The following CTNNBIP1 variants were observed in gnomAD, a reference collection of about 807,000 sequenced individuals.
CTNNBIP1 encodes catenin beta interacting protein 1.
A neutral mutation model predicts 11.8 loss-of-function variants in CTNNBIP1; 7 were observed. The observed-to-expected ratio is 0.60, with a 90% CI of 0.34 to 1.12. The LOEUF is 1.12. CTNNBIP1 is among the 50% of genes most tolerant of loss of function. CTNNBIP1 has a pLI of 0.03. For missense variants in CTNNBIP1, 101 were observed against 113.4 expected, an observed-to-expected ratio of 0.89 and a Z score of 0.50; for synonymous variants, 58 against 43.9, an observed-to-expected ratio of 1.32 and a Z score of -1.26.
chr1:9,887,263 T>C (rs575675111), intron 1 of CTNNBIP1, among the ~76,000 whole-genome samples: 29 of 152,324 alleles, frequency 1.9e-4, no homozygotes, highest in Non-Finnish European at 2.6e-4. Context: ...TCCCATTTTA[T>C]GGATGACAAA....
At chr1:9,876,434 T>C (rs184169788) in intron 3 of CTNNBIP1, among the ~76,000 whole-genome samples, 32 of 152,178 alleles carry the variant, frequency 2.1e-4, no homozygotes, top group African/African-American at 6.3e-4. Context: ...CTGGCCAACA[T>C]GGTGAAACCC....
At chr1:9,879,232 C>T (rs1639033886) in intron 2 of CTNNBIP1, among the ~76,000 whole-genome samples, 1 of 151,978 alleles carries the variant, frequency 6.6e-6, no homozygotes, top group Non-Finnish European at 1.5e-5. Context: ...CCCACTTTTA[C>T]TACCCACTCT....
intron 5 of CTNNBIP1, among the ~76,000 whole-genome samples, chr1:9,870,336 C>T (rs1398800162): frequency 1.3e-5 from 2 of 152,216 alleles, no homozygotes; most frequent in East Asian, 3.8e-4. Context: ...GAATACTAGG[C>T]CTCTGTGTCA....
chr1:9,907,495 T>A (rs1049699980), intron 1 of CTNNBIP1, among the ~76,000 whole-genome samples: 2 of 152,122 alleles, frequency 1.3e-5, no homozygotes, highest in Admixed American at 1.3e-4. Context: ...TAGCTCAAGT[T>A]TGTGGCCACT....
intron 5 of CTNNBIP1, among the ~76,000 whole-genome samples, chr1:9,855,394 A>T (rs1638480228): frequency 6.6e-6 from 1 of 152,122 alleles, no homozygotes; most frequent in Admixed American, 6.5e-5. Context: ...ACTTACTACA[A>T]AGGCAAGGTC....
intron 1 of CTNNBIP1, among the ~76,000 whole-genome samples, chr1:9,894,396 C>G (rs1639366991): frequency 6.6e-6 from 1 of 152,242 alleles, no homozygotes; most frequent in Non-Finnish European, 1.5e-5. Context: ...CGCTCTGTCA[C>G]ACAGGGTGGA....
At chr1:9,892,299 G>T (rs983450547) in intron 1 of CTNNBIP1, among the ~76,000 whole-genome samples, 1 of 152,110 alleles carries the variant, frequency 6.6e-6, no homozygotes, top group Non-Finnish European at 1.5e-5. Context: ...GTGGGTGCCT[G>T]TGGTCCCAGC....
At position 9,879,680 on chromosome 1, in the gene CTNNBIP1, C is replaced by T. The variant is rs183187698; in HGVS notation, c.-109-1691G>A. Among the ~76,000 whole-genome samples, 400 of 152,254 alleles carry T rather than the reference C, an allele frequency of 2.6e-3. 1 individual carries two copies. Among genetic ancestry groups the T allele is most frequent in the African/African-American group, 8.5e-3 (352 of 41,540 alleles). On this transcript the variant is annotated intron_variant, in intron 2 of 5. Coordinates refer to ENST00000377263, the MANE Select transcript of CTNNBIP1 (RefSeq NM_020248.3). ...CCCTGGGGAACTTTCCACCCAAGTC[C>T]CCACATTCTTTCAAAAAGAGATGAA...
rs1252690284 is a variant in CTNNBIP1 at position 9,867,497 on chromosome 1, G to A, written c.187+3690C>T. Among the ~76,000 whole-genome samples the A allele has an allele frequency of 6.6e-6, 1 of 152,214 alleles. No individual in the cohort carries two copies. The highest frequency in any genetic ancestry group is 1.5e-5 in the Non-Finnish European group (1 of 68,022). On this transcript the variant is annotated intron_variant, in intron 5 of 5. Coordinates refer to ENST00000377263, the MANE Select transcript of CTNNBIP1 (RefSeq NM_020248.3). This position sits in a 1 kb window ranked among gnomAD's most constrained non-coding sequence, Gnocchi z 4.6. Reference sequence around the variant, plus strand: ...GCCCTGGAGGGGAAGCATGTGCAGGGCTAAAGGTGGCGGCCAGACCCTCAG... The same window carrying A: ...GCCCTGGAGGGGAAGCATGTGCAGGACTAAAGGTGGCGGCCAGACCCTCAG...
At chr1:9,893,791 G>A (rs908919280) in intron 1 of CTNNBIP1, among the ~76,000 whole-genome samples, 6 of 152,154 alleles carry the variant, frequency 3.9e-5, no homozygotes, top group African/African-American at 1.2e-4. Context: ...AGGCATCAAC[G>A]CACAGGACAA....
At position 9,871,187 on chromosome 1, in the gene CTNNBIP1, C is replaced by T. The variant is rs1422513149; in HGVS notation, c.187G>A (p.Gly63Ser). The T allele has an allele frequency of 6.4e-7, 1 of 1,567,242 alleles. No homozygotes were observed. Among genetic ancestry groups the T allele is most frequent in the Non-Finnish European group, 8.6e-7 (1 of 1,156,636 alleles). ...CCCAGCCCCTCTGCCGCCAACTCACCCTGGTCGATGGAGTGCGGAGGCAGC... is the reference window on the plus strand; with the variant it reads ...CCCAGCCCCTCTGCCGCCAACTCACTCTGGTCGATGGAGTGCGGAGGCAGC... ...SQLPPHSIDQ[G>S]AEDVVMAFSR... The change falls in exon 5 of 6, where the codon GGT becomes AGT. Residue 63 changes from glycine to serine, a missense_variant and splice_region_variant. Physicochemically the swap from Gly to Ser is moderately conservative, Grantham distance 56 (BLOSUM62 0). Transcript: ENST00000377263. The surrounding 1 kb of genome is among the most constrained non-coding windows in gnomAD (Gnocchi z 5.2).
chr1:9,873,914 T>C (rs1287597632), intron 3 of CTNNBIP1, among the ~76,000 whole-genome samples: 2 of 152,106 alleles, frequency 1.3e-5, no homozygotes, highest in African/African-American at 4.8e-5. Flanking sequence ...TTAAAAACAT[T>C]TTTTTGTAGA....
intron 1 of CTNNBIP1, among the ~76,000 whole-genome samples, chr1:9,905,652 G>A (rs577951704): frequency 2.0e-5 from 3 of 150,440 alleles, no homozygotes; most frequent in Admixed American, 6.6e-5. Context: ...GGATGGTCTC[G>A]ATCTCCTGAC....
intron 2 of CTNNBIP1, among the ~76,000 whole-genome samples, chr1:9,880,465 A>G (rs930291430): frequency 1.3e-5 from 2 of 152,174 alleles, no homozygotes; most frequent in Non-Finnish European, 2.9e-5. Context: ...TTATAGTGGA[A>G]TGATTTATAA....
intron 1 of CTNNBIP1, among the ~76,000 whole-genome samples, chr1:9,894,312 C>T (rs1289092921): frequency 5.3e-5 from 8 of 152,186 alleles, no homozygotes; most frequent in Non-Finnish European, 1.0e-4. Context: ...AGGCCATTCT[C>T]CTACATAACC....
intron 1 of CTNNBIP1, among the ~76,000 whole-genome samples, chr1:9,887,223 G>T (rs2101519270): frequency 6.6e-6 from 1 of 152,320 alleles, no homozygotes; most frequent in Non-Finnish European, 1.5e-5. Context: ...GAGTCAGTCA[G>T]CCCTCACAAG....
intron 1 of CTNNBIP1, among the ~76,000 whole-genome samples, chr1:9,898,986 A>T (rs77577486): frequency 0.051 from 7,703 of 151,964 alleles, 490 homozygotes; most frequent in East Asian, 0.22. Flanking sequence ...TTTAAAAAAA[A>T]TTTTTTACTT....
chr1:9,898,564 G>A (rs1020355116), intron 1 of CTNNBIP1, among the ~76,000 whole-genome samples: 12 of 151,918 alleles, frequency 7.9e-5, no homozygotes, highest in Non-Finnish European at 1.3e-4. Context: ...ACAAATTGGC[G>A]AAAATATGTA....
intron 1 of CTNNBIP1, among the ~76,000 whole-genome samples, chr1:9,908,703 G>T (rs1240934187): frequency 6.6e-6 from 1 of 152,146 alleles, no homozygotes; most frequent in East Asian, 1.9e-4. Context: ...CATCTTCATA[G>T]CACTTACCAC....
Sources: gnomAD v4.1 joint callset for allele counts (sites outside exome capture counted in the v4.1 genomes callset) on GRCh38, gnomAD v4.1.1 for gene constraint, Gnocchi (gnomAD v3.1) non-coding constraint, MANE v1.5 for transcripts, NCBI Gene and HGNC (gene_info 2026-07-23, HGNC 2026-07-21) for gene names.